PRKAG3: variants seen among roughly 807,000 people sequenced by gnomAD.
PRKAG3 encodes 5'-AMP-activated protein kinase subunit gamma-3.
In PRKAG3, 39 loss-of-function variants were observed where a neutral mutation model predicts 56.5. The observed-to-expected ratio is 0.69, with a 90% CI of 0.53 to 0.90. PRKAG3 has a LOEUF of 0.90. Ranked by LOEUF, PRKAG3 falls within the 40% of genes least tolerant of loss-of-function variation. The pLI, the probability that PRKAG3 is intolerant of heterozygous loss-of-function variation, is 0.00. For synonymous variants in PRKAG3, 243 were observed against 250.1 expected (o/e 0.97, Z 0.27); for missense variants, 628 against 627.5 (o/e 1.00, Z -0.01).
chr2:218,830,028 C>T (rs140696399), exon 4 of PRKAG3: 31 of 1,613,950 alleles, frequency 1.9e-5, no homozygotes, highest in Admixed American at 1.5e-4. Context: ...GCCATGGCAT[C>T]GTAGCAGGTG....
intron 12 of PRKAG3, 85 bp downstream of exon 12, chr2:218,824,137 G>A (rs1338477565): frequency 1.4e-5 from 22 of 1,600,980 alleles, no homozygotes; most frequent in Middle Eastern, 3.5e-4. Flanking sequence ...TAGGCCAGGT[G>A]CCCGATGTTC....
chr2:218,830,779 C>T, exon 3 of PRKAG3: 1 of 1,612,886 alleles, frequency 6.2e-7, no homozygotes, highest in Non-Finnish European at 8.5e-7. Flanking sequence ...CCTTCCTCCA[C>T]CGACTTCTGC....
chr2:218,830,636 G>T, intron 3 of PRKAG3, 110 bp downstream of exon 3: 1 of 1,357,740 alleles, frequency 7.4e-7, no homozygotes, highest in Non-Finnish European at 1.0e-6. Context: ...GATGAAGGTT[G>T]GGTCCAACTC....
chr2:218,823,905 G>A (rs1024579785), intron 12 of PRKAG3, 27 bp from the exon 13 acceptor site: 2 of 1,602,754 alleles, frequency 1.2e-6, no homozygotes, highest in Middle Eastern at 1.7e-4. Flanking sequence ...TTCAGTGAGG[G>A]GGCAGAGCCA....
chr2:218,826,792 C>T lies in PRKAG3; in HGVS notation c.1168+136G>A, dbSNP rs372925207. On this transcript the variant is annotated intron_variant, in intron 10 of 12. Coordinates refer to ENST00000529249, the Ensembl canonical transcript of PRKAG3. ...CAACTTGCCCAAGTCTCAGAGTAGA[C>T]GGAGACTTCTAATCCCCAGTCCATC... 1.8e-4 allele frequency: 215 copies of T among 1,183,538 alleles called. 1 individual carries two copies. Among genetic ancestry groups the T allele is most frequent in the South Asian group, 1.8e-3 (136 of 76,172 alleles). 73.3% of individuals were successfully genotyped at this position (1,183,538 alleles called of 1,614,324 possible).
exon 13 of PRKAG3, chr2:218,823,670 T>A (rs1024258569): frequency 1.4e-5 from 23 of 1,601,458 alleles, no homozygotes; most frequent in Non-Finnish European, 1.8e-5. Context: ...AACCAGCAAA[T>A]GGGGGTGGGG....
rs746853657 is a variant in PRKAG3 at position 218,830,146 on chromosome 2, C to G, written c.465G>C (p.Glu155Asp). ...GCGGGGACAGGCACAGGGCAGGCCT[C>G]TCTTCCAGCAGGCCTTCTAGCTCAC... Residue 155 changes from glutamate (E) to aspartate (D), a missense_variant, in exon 4 of 13, where the codon GAG becomes GAC. By Grantham distance (45) the Glu-to-Asp change is conservative. Transcript: ENST00000529249. 47 of 1,614,012 alleles carry G rather than the reference C, an allele frequency of 2.9e-5. No individual in the cohort carries two copies. The highest frequency in any genetic ancestry group is 3.7e-5 in the Non-Finnish European group (44 of 1,179,988).
exon 2 of PRKAG3, chr2:218,831,374 G>A: frequency 6.2e-7 from 1 of 1,602,002 alleles, no homozygotes; most frequent in Non-Finnish European, 8.5e-7. Context: ...CCAGGAAGGG[G>A]TCTGTGGGGA....
exon 4 of PRKAG3, chr2:218,830,122 C>T (rs756226571): frequency 1.5e-5 from 24 of 1,613,062 alleles, no homozygotes; most frequent in South Asian, 6.6e-5. Flanking sequence ...ATGGGGCCTG[C>T]GGGGACAGGC....
intron 4 of PRKAG3, among the ~76,000 whole-genome samples, chr2:218,828,969 A>G (rs952758618): frequency 4.6e-5 from 7 of 152,356 alleles, no homozygotes; most frequent in Admixed American, 3.3e-4. Flanking sequence ...AGTTATTTAC[A>G]TAACACTTGC....
In PRKAG3 at chr2:218,829,242, T is replaced by C. The variant is rs1175870766; in HGVS notation, c.634-642A>G. Among the ~76,000 whole-genome samples the C allele has an allele frequency of 2.6e-5, 4 of 151,948 alleles. No individual in the cohort carries two copies. In the East Asian group the frequency reaches 7.7e-4, roughly 29 times the overall value. ...TATAGACATTTATAGCTAAGCCTAA[T>C]GGAAGAGCAGGTGCCAGAGCTCATT... On this transcript the variant is annotated intron_variant, in intron 4 of 12. Coordinates refer to ENST00000529249, the Ensembl canonical transcript of PRKAG3.
chr2:218,827,407 C>G lies in PRKAG3; in HGVS notation c.876-34G>C, dbSNP rs140546032. The G allele has an allele frequency of 2.0e-5, 33 of 1,613,878 alleles. No individual in the cohort carries two copies. The East Asian group carries it at 7.1e-4, about 35-fold the overall frequency. On this transcript the variant is annotated intron_variant, in intron 8 of 12. Coordinates refer to ENST00000529249, the Ensembl canonical transcript of PRKAG3. This position sits in a 1 kb window ranked among gnomAD's most constrained non-coding sequence, Gnocchi z 5.3. ...ATGGGAGCAGTGAGCCTCGGGGCAGCCTAGGGAGAGACAACCTCCATCCCA... is the reference window on the plus strand; with the variant it reads ...ATGGGAGCAGTGAGCCTCGGGGCAGGCTAGGGAGAGACAACCTCCATCCCA...
intron 10 of PRKAG3, among the ~76,000 whole-genome samples, chr2:218,824,934 A>G (rs1014279679): frequency 3.9e-5 from 6 of 152,216 alleles, no homozygotes; most frequent in African/African-American, 1.4e-4. Context: ...CTATAGGACA[A>G]CTGACCCAGG....
At chr2:218,828,957 ATAGT>A (rs1353637789) in intron 4 of PRKAG3, among the ~76,000 whole-genome samples, 1 of 152,252 alleles carries the variant, frequency 6.6e-6, no homozygotes, top group African/African-American at 2.4e-5. Context: ...TACCGGAGGC[ATAGT>A]TATTTACATA....
At chr2:218,830,024 G>A (rs905770879) in exon 4 of PRKAG3, 1 of 1,614,046 alleles carries the variant, frequency 6.2e-7, no homozygotes. Flanking sequence ...AGTTGCCATG[G>A]CATCGTAGCA....
At chr2:218,829,689 CT>C (rs1943989379) in intron 4 of PRKAG3, among the ~76,000 whole-genome samples, 1 of 152,130 alleles carries the variant, frequency 6.6e-6, no homozygotes, top group South Asian at 2.1e-4. Context: ...ATCCTCTGAA[CT>C]ATGTAGGGTG....
chr2:218,826,980 C>A (rs1943941932), exon 10 of PRKAG3: 1 of 1,614,198 alleles, frequency 6.2e-7, no homozygotes, highest in African/African-American at 1.3e-5. Flanking sequence ...CAAAGATGTC[C>A]AGTGCAGTCA....
At position 218,831,319 on chromosome 2, in the gene PRKAG3, G is replaced by A. The variant is rs767198717; in HGVS notation, c.73+17C>T. The stretch of plus-strand genomic sequence containing the variant: ...GGGGGAAGAGGTTAGGCCCCAGGGA[G>A]GGGGCATTCTCCCTACCTTGATGCT... On this transcript the variant is annotated intron_variant, in intron 2 of 12. Coordinates refer to ENST00000529249, the Ensembl canonical transcript of PRKAG3. 8.9e-6 allele frequency: 14 copies of A among 1,576,650 alleles called. No individual in the cohort carries two copies. In the South Asian group the frequency reaches 1.3e-4, roughly 14 times the overall value.
In PRKAG3 at chr2:218,825,859, C is replaced by T. The variant is rs574278171; in HGVS notation, c.1168+1069G>A. Among the ~76,000 whole-genome samples the T allele has an allele frequency of 1.1e-3, 164 of 151,626 alleles. 5 individuals are homozygous for T. The South Asian group carries it at 0.031, about 29-fold the overall frequency. ...GCAACCTCTGCCTCCCAGGTTCAACCGATTCTCCTACCTCAGCCTCCTAAG... is the reference window on the plus strand; with the variant it reads ...GCAACCTCTGCCTCCCAGGTTCAACTGATTCTCCTACCTCAGCCTCCTAAG... On this transcript the variant is annotated intron_variant, in intron 10 of 12. Coordinates refer to ENST00000529249, the Ensembl canonical transcript of PRKAG3.
Sources: allele counts gnomAD v4.1 joint callset (sites outside exome capture counted in the v4.1 genomes callset), GRCh38; gene constraint gnomAD v4.1.1; non-coding constraint Gnocchi (gnomAD v3.1); transcripts MANE v1.5; gene names NCBI Gene and HGNC (gene_info 2026-07-23, HGNC 2026-07-21).